HTT: variants seen among roughly 807,000 people sequenced by gnomAD.
HTT encodes huntington disease protein.
HTT carries 104 observed loss-of-function variants against 362.3 expected under a neutral mutation model. That is an observed-to-expected ratio of 0.29 (90% confidence interval 0.24 to 0.34). The LOEUF is 0.34. Among genes scored for constraint, HTT ranks in the 10% least tolerant of loss-of-function variants. The probability of loss-of-function intolerance (pLI) is 1.00; values close to 1 mark genes in which losing one functional copy is unlikely to be tolerated. For synonymous variants in HTT, 1,577 were observed against 1,548.7 expected, an observed-to-expected ratio of 1.02 and a Z score of -0.43; for missense variants, 3,301 against 3,928.6, an observed-to-expected ratio of 0.84 and a Z score of 4.27.
Position 3,119,261 on chromosome 4 carries a change from G to A in HTT, c.1069-1967G>A, listed in dbSNP as rs528513359. On this transcript the variant is annotated intron_variant, in intron 8 of 66. Transcript: ENST00000355072. ...ATATGCATATATTATCAACAAGGAG[G>A]GAGAAAAAGGCAATTAGTAACCATC... 3.1e-3 allele frequency among the ~76,000 whole-genome samples: 466 copies of A among 152,162 alleles called. 5 individuals are homozygous for A. Among genetic ancestry groups the A allele is most frequent in the African/African-American group, 0.011 (446 of 41,496 alleles).
intron 36 of HTT, among the ~76,000 whole-genome samples, chr4:3,181,908 A>G (rs2110241923): frequency 6.6e-6 from 1 of 152,198 alleles, no homozygotes; most frequent in East Asian, 1.9e-4. Flanking sequence ...TCTGGGAAGC[A>G]GGTGCTCTTC....
chr4:3,075,745 A>T (rs1712506058), intron 1 of HTT, among the ~76,000 whole-genome samples: 1 of 151,678 alleles, frequency 6.6e-6, no homozygotes. Flanking sequence ...CTACATTGTC[A>T]GGACATTTCA....
chr4:3,142,421 A>G (rs77059749), intron 22 of HTT, among the ~76,000 whole-genome samples: 32 of 152,306 alleles, frequency 2.1e-4, no homozygotes, highest in Non-Finnish European at 3.4e-4. Context: ...AGGGAATGCA[A>G]AAAAGTGCCG....
chr4:3,084,198 C>CTTT (rs4038024), intron 1 of HTT, among the ~76,000 whole-genome samples: 2 of 81,952 alleles, frequency 2.4e-5, no homozygotes, highest in African/African-American at 4.5e-5. Flanking sequence ...AATGCTTTGT[C>CTTT]TTTTTTTTTT....
At chr4:3,147,286 G>C (rs1319638177) in intron 25 of HTT, among the ~76,000 whole-genome samples, 2 of 152,168 alleles carry the variant, frequency 1.3e-5, no homozygotes, top group Non-Finnish European at 2.9e-5. Flanking sequence ...TCATTCTCAA[G>C]TTAGTTTTAG....
intron 8 of HTT, among the ~76,000 whole-genome samples, chr4:3,117,533 T>A: frequency 6.6e-6 from 1 of 152,176 alleles, no homozygotes. Context: ...TCTTTATTTT[T>A]AAAACTTTAT....
At chr4:3,128,627 A>C (rs1715634821) in intron 12 of HTT, 1 of 152,174 alleles carries the variant, frequency 6.6e-6, no homozygotes, top group Non-Finnish European at 1.5e-5. Flanking sequence ...AACATTTCCC[A>C]TTTGATAGCG....
At chr4:3,211,294 T>C (rs1720149550) in intron 47 of HTT, among the ~76,000 whole-genome samples, 1 of 152,220 alleles carries the variant, frequency 6.6e-6, no homozygotes, top group Non-Finnish European at 1.5e-5. Context: ...TTTTCCAAAT[T>C]TGCTAATTGG....
intron 40 of HTT, among the ~76,000 whole-genome samples, chr4:3,197,553 C>A (rs537856459): frequency 1.4e-4 from 21 of 152,294 alleles, no homozygotes; most frequent in Non-Finnish European, 2.9e-4. Context: ...GCTCCAGCAG[C>A]TGCCACCCCG....
chr4:3,088,116 C>T (rs191038675), intron 2 of HTT, among the ~76,000 whole-genome samples: 29 of 151,914 alleles, frequency 1.9e-4, no homozygotes, highest in African/African-American at 5.6e-4. Flanking sequence ...GGATTACAGG[C>T]GTGAGCCAGG....
chr4:3,117,088 T>C (rs1397748485), intron 8 of HTT, among the ~76,000 whole-genome samples: 2 of 152,224 alleles, frequency 1.3e-5, no homozygotes, highest in African/African-American at 4.8e-5. Context: ...TCCTGGCACA[T>C]GTTAAGGCCA....
At chr4:3,149,294 C>CTT (rs1029468563) in intron 26 of HTT, among the ~76,000 whole-genome samples, 22 of 130,876 alleles carry the variant, frequency 1.7e-4, no homozygotes, top group African/African-American at 3.5e-4. Flanking sequence ...AGTTCACATA[C>CTT]TTTTTTTTTT....
intron 37 of HTT, among the ~76,000 whole-genome samples, chr4:3,182,830 T>C (rs963652972): frequency 6.6e-6 from 1 of 152,160 alleles, no homozygotes; most frequent in African/African-American, 2.4e-5. Flanking sequence ...ATTTGGTGGT[T>C]AGATTTTTGT....
intron 2 of HTT, among the ~76,000 whole-genome samples, chr4:3,090,014 G>A (rs1713417101): frequency 6.6e-6 from 1 of 152,186 alleles, no homozygotes. Context: ...GGATTTCAGA[G>A]TATATAGCTG....
intron 1 of HTT, among the ~76,000 whole-genome samples, chr4:3,080,415 T>C (rs751232346): frequency 6.6e-5 from 10 of 152,194 alleles, no homozygotes; most frequent in Non-Finnish European, 8.8e-5. Flanking sequence ...CTCTTTCTTA[T>C]ACTTACCTTG....
intron 40 of HTT, 52 bp downstream of exon 40, chr4:3,189,145 T>C: frequency 1.9e-6 from 3 of 1,575,948 alleles, no homozygotes; most frequent in Non-Finnish European, 2.6e-6. Flanking sequence ...CATTCTGCAC[T>C]ATACACTCTC....
chr4:3,140,807 T>C (rs1035471362), intron 22 of HTT, 151 bp downstream of exon 22: 5 of 684,332 alleles, frequency 7.3e-6, no homozygotes, highest in African/African-American at 5.4e-5. Context: ...TAGGATATTA[T>C]CATTTTGAGG....
intron 2 of HTT, among the ~76,000 whole-genome samples, chr4:3,092,589 C>G (rs916729495): frequency 2.6e-5 from 4 of 152,084 alleles, no homozygotes; most frequent in African/African-American, 9.7e-5. Context: ...GCTGTATTGC[C>G]CAGGCTGGTC....
intron 51 of HTT, among the ~76,000 whole-genome samples, chr4:3,217,002 G>A (rs1050586087): frequency 1.3e-5 from 2 of 151,154 alleles, no homozygotes. Flanking sequence ...TCCAGCCTGG[G>A]CGACAGAGCA....
Sources: gnomAD v4.1 joint callset for allele counts (sites outside exome capture counted in the v4.1 genomes callset) on GRCh38, gnomAD v4.1.1 for gene constraint, MANE v1.5 for transcripts, NCBI Gene and HGNC (gene_info 2026-07-23, HGNC 2026-07-21) for gene names.